The following RALGAPA1 variants were observed in gnomAD, a reference collection of about 807,000 sequenced individuals.
RALGAPA1 encodes ral GTPase-activating protein subunit alpha-1.
Under a neutral mutation model 269.6 loss-of-function variants are expected in RALGAPA1, and 52 were observed. The observed-to-expected ratio is 0.19, with a 90% CI of 0.15 to 0.24. RALGAPA1 has a LOEUF of 0.24. RALGAPA1 is among the 10% of genes least tolerant of loss of function. The probability of loss-of-function intolerance (pLI) is 1.00; values close to 1 mark genes in which losing one functional copy is unlikely to be tolerated. For missense variants in RALGAPA1, 1,917 were observed against 3,013.9 expected (o/e 0.64, Z 8.52); for synonymous variants, 817 against 1,008.3 (o/e 0.81, Z 3.60).
chr14:35,686,697 A>T, intron 18 of RALGAPA1, 31 bp from the exon 19 acceptor site: 1 of 1,321,660 alleles, frequency 7.6e-7, no homozygotes, highest in Non-Finnish European at 1.0e-6. Flanking sequence ...ATATATAGTG[A>T]GGAAAAACTT....
intron 16 of RALGAPA1, among the ~76,000 whole-genome samples, chr14:35,719,093 C>T (rs2069133578): frequency 1.3e-5 from 2 of 152,190 alleles, no homozygotes; most frequent in South Asian, 4.1e-4. Context: ...CTTTGGGAGG[C>T]CAAGGTGGGT....
At chr14:35,766,510 G>A in intron 4 of RALGAPA1, 1 of 1,236,900 alleles carries the variant, frequency 8.1e-7, no homozygotes, top group South Asian at 1.2e-5. Context: ...TCAATTGTCT[G>A]CTACCATCTA....
chr14:35,793,523 C>T (rs138256890), intron 1 of RALGAPA1, among the ~76,000 whole-genome samples: 258 of 152,130 alleles, frequency 1.7e-3, no homozygotes, highest in African/African-American at 6.1e-3. Context: ...CGTGAGCCAC[C>T]GCGCCTGGCT....
At chr14:35,635,245 A>G (rs748491920) in intron 32 of RALGAPA1, among the ~76,000 whole-genome samples, 1 of 152,184 alleles carries the variant, frequency 6.6e-6, no homozygotes. Context: ...AATTATACTC[A>G]TATGTAACAA....
chr14:35,681,985 C>A lies in RALGAPA1; in HGVS notation c.4471+1824G>T, dbSNP rs139295893. 4.4e-3 allele frequency among the ~76,000 whole-genome samples: 662 copies of A among 151,842 alleles called. 12 individuals carry two copies. The highest frequency in any genetic ancestry group is 0.04 in the Admixed American group (618 of 15,276). On this transcript the variant is annotated intron_variant, in intron 21 of 41. Coordinates refer to ENST00000680220, the MANE Select transcript of RALGAPA1 (RefSeq NM_001346249.2). ...TTTTTGCATATATTAATATTTAATT[C>A]TGTTTCATTACTGAGTATTATTTCA... is the stretch of plus-strand genomic sequence containing the variant.
intron 1 of RALGAPA1, among the ~76,000 whole-genome samples, chr14:35,803,603 A>T (rs910102178): frequency 6.6e-6 from 1 of 152,064 alleles, no homozygotes; most frequent in Non-Finnish European, 1.5e-5. Flanking sequence ...CATGTGTCTC[A>T]TACAGTATCT....
At chr14:35,753,263 G>T (rs1326371230) in intron 7 of RALGAPA1, among the ~76,000 whole-genome samples, 1 of 152,132 alleles carries the variant, frequency 6.6e-6, no homozygotes, top group East Asian at 1.9e-4. Flanking sequence ...ATTGGTAACT[G>T]TAGTAAACAT....
chr14:35,669,245 G>A (rs2064202197), intron 26 of RALGAPA1, among the ~76,000 whole-genome samples: 1 of 151,760 alleles, frequency 6.6e-6, no homozygotes, highest in African/African-American at 2.4e-5. Flanking sequence ...ATCCTATACG[G>A]CAGGTTATCT....
chr14:35,762,903 A>T, intron 4 of RALGAPA1, 150 bp from the exon 5 acceptor site: 2 of 590,520 alleles, frequency 3.4e-6, no homozygotes, highest in South Asian at 2.1e-5. Context: ...CATACTTGGG[A>T]TCAGAAGGGC....
intron 1 of RALGAPA1, among the ~76,000 whole-genome samples, chr14:35,785,229 TTAAG>T (rs1388677348): frequency 1.3e-5 from 2 of 152,216 alleles, no homozygotes; most frequent in African/African-American, 2.4e-5. Flanking sequence ...TTTATAAACA[TTAAG>T]TTTTTGCACA....
chr14:35,572,546 TAAG>T lies in RALGAPA1; in HGVS notation c.7368+11_7368+13del. ...CAAAATCTATTACTAAAATGGAAGA[TAAG>T]GAGTTCTTACCTCTGGTTTTTTCAT... On this transcript the variant is annotated intron_variant, in intron 38 of 41. Coordinates refer to ENST00000680220, the MANE Select transcript of RALGAPA1 (RefSeq NM_001346249.2). The T allele has an allele frequency of 6.3e-7, 1 of 1,581,370 alleles. No homozygotes were observed. Among genetic ancestry groups the T allele is most frequent in the Non-Finnish European group, 8.6e-7 (1 of 1,166,040 alleles).
chr14:35,650,781 G>C (rs1328714966), intron 31 of RALGAPA1, among the ~76,000 whole-genome samples: 3 of 152,134 alleles, frequency 2.0e-5, no homozygotes, highest in Non-Finnish European at 4.4e-5. Context: ...ATTGAGATAT[G>C]ACAAGGGAAG....
intron 11 of RALGAPA1, among the ~76,000 whole-genome samples, chr14:35,740,753 A>G (rs1172561582): frequency 6.6e-6 from 1 of 152,200 alleles, no homozygotes; most frequent in African/African-American, 2.4e-5. Flanking sequence ...GGTTACAGTG[A>G]GCTGAGCTCA....
chr14:35,564,319 TA>T (rs1201961272), intron 39 of RALGAPA1: 1 of 152,186 alleles, frequency 6.6e-6, no homozygotes, highest in African/African-American at 2.4e-5. Context: ...AGTTTCTCAA[TA>T]AACTCATTTT....
chr14:35,666,714 A>G (rs995093540), intron 26 of RALGAPA1, among the ~76,000 whole-genome samples: 1 of 152,230 alleles, frequency 6.6e-6, no homozygotes, highest in African/African-American at 2.4e-5. Flanking sequence ...TACATAATGC[A>G]TAGTATTAGA....
chr14:35,671,260 G>T, intron 26 of RALGAPA1, 129 bp downstream of exon 26: 2 of 665,070 alleles, frequency 3.0e-6, no homozygotes, highest in Non-Finnish European at 2.4e-6. Flanking sequence ...TTTTTTTAAT[G>T]TAGGAGAAGC....
At chr14:35,749,007 C>T (rs577611192) in intron 9 of RALGAPA1, among the ~76,000 whole-genome samples, 183 bp from the exon 10 acceptor site, 1 of 152,172 alleles carries the variant, frequency 6.6e-6, no homozygotes, top group South Asian at 2.1e-4. Context: ...AGTGGCAATG[C>T]AAGTAACTCA....
chr14:35,559,839 T>C (rs1423975543), intron 39 of RALGAPA1, among the ~76,000 whole-genome samples: 1 of 152,202 alleles, frequency 6.6e-6, no homozygotes, highest in Non-Finnish European at 1.5e-5. Context: ...AATAATTGTA[T>C]AAAAGTATCT....
At position 35,685,518 on chromosome 14, in the gene RALGAPA1, C is replaced by T. The variant is rs150492095; in HGVS notation, c.4078-373G>A. On this transcript the variant is annotated intron_variant, in intron 19 of 41. Transcript: ENST00000680220. Reference sequence around the variant, plus strand: ...TGTCATTCAATGATTTTTATCCACTCAAGGGAAAAAAGTAAGCCTAAAAAG... The same window carrying T: ...TGTCATTCAATGATTTTTATCCACTTAAGGGAAAAAAGTAAGCCTAAAAAG... Among the ~76,000 whole-genome samples the T allele has an allele frequency of 1.8e-3, 276 of 151,844 alleles. 2 individuals carry two copies. Among genetic ancestry groups the T allele is most frequent in the African/African-American group, 6.4e-3 (266 of 41,372 alleles).
Sources: allele counts gnomAD v4.1 joint callset (sites outside exome capture counted in the v4.1 genomes callset), GRCh38; gene constraint gnomAD v4.1.1; transcripts MANE v1.5; gene names NCBI Gene and HGNC (gene_info 2026-07-23, HGNC 2026-07-21).